Variants in GRM8 observed in about 807,000 individuals in gnomAD.
GRM8 encodes metabotropic glutamate receptor 8.
Under a neutral mutation model 87.2 loss-of-function variants are expected in GRM8, and 47 were observed. The ratio of observed to expected loss-of-function variants is 0.54; its 90% CI spans 0.43 to 0.69. GRM8 has a LOEUF of 0.69. Ranked by LOEUF, GRM8 falls within the 30% of genes least tolerant of loss-of-function variation. The pLI is 0.00. For missense variants in GRM8, 1,019 were observed against 1,139.2 expected (o/e 0.89, Z 1.52); for synonymous variants, 396 against 404.5 (o/e 0.98, Z 0.25).
At chr7:126,624,977 T>C (rs1268026688) in intron 7 of GRM8, among the ~76,000 whole-genome samples, 1 of 152,216 alleles carries the variant, frequency 6.6e-6, no homozygotes, top group Admixed American at 6.5e-5. Context: ...TGTGTGAGTA[T>C]AAAACAAACT....
At chr7:126,761,662 G>A (rs575555551) in intron 7 of GRM8, among the ~76,000 whole-genome samples, 26 of 151,970 alleles carry the variant, frequency 1.7e-4, no homozygotes, top group Non-Finnish European at 3.7e-4. Context: ...AGCCAAACTC[G>A]GCACAGGTTT....
chr7:126,752,084 T>C (rs192168799), intron 7 of GRM8, among the ~76,000 whole-genome samples: 1 of 152,124 alleles, frequency 6.6e-6, no homozygotes, highest in Admixed American at 6.6e-5. Context: ...AATTCAATGA[T>C]GAGATCAAGT....
At chr7:126,609,319 T>A (rs766747622) in intron 8 of GRM8, 43 bp downstream of exon 8, 1 of 1,512,416 alleles carries the variant, frequency 6.6e-7, no homozygotes, top group Non-Finnish European at 9.1e-7. Flanking sequence ...GCATCCCTCC[T>A]GGAGAGCTAT....
rs543345975 is a variant in GRM8, at chr7:126,643,551, C to T, written c.1358-34053G>A. On this transcript the variant is annotated intron_variant, in intron 7 of 10. Transcript: ENST00000339582. The stretch of plus-strand genomic sequence containing the variant: ...TTTAAAAAATCACCTAATATGCATG[C>T]GAAAGGATAATTAAAAGCAACAGAA... Among the ~76,000 whole-genome samples the T allele has an allele frequency of 1.1e-4, 16 of 151,332 alleles. No homozygotes were observed. The East Asian group carries it at 2.5e-3, about 24-fold the overall frequency.
At chr7:126,812,408 A>G (rs1293742810) in intron 6 of GRM8, among the ~76,000 whole-genome samples, 1 of 152,016 alleles carries the variant, frequency 6.6e-6, no homozygotes, top group African/African-American at 2.4e-5. Flanking sequence ...GGCTGTAAAG[A>G]TATACAACAT....
intron 6 of GRM8, among the ~76,000 whole-genome samples, chr7:126,846,847 T>C (rs1438899971): frequency 6.6e-6 from 1 of 152,162 alleles, no homozygotes; most frequent in African/African-American, 2.4e-5. Context: ...TCTCTCATGT[T>C]ACCCAGTGTG....
chr7:126,636,328 C>T (rs1033625180), intron 7 of GRM8, among the ~76,000 whole-genome samples: 1 of 151,998 alleles, frequency 6.6e-6, no homozygotes, highest in Non-Finnish European at 1.5e-5. Flanking sequence ...CTAGGCCTCC[C>T]ATGGATACCA....
At chr7:126,739,654 C>T (rs1043517723) in intron 7 of GRM8, among the ~76,000 whole-genome samples, 1 of 152,036 alleles carries the variant, frequency 6.6e-6, no homozygotes, top group Non-Finnish European at 1.5e-5. Context: ...TGGTGATCCT[C>T]CCACAACCCC....
chr7:126,953,997 C>T (rs540467843), intron 3 of GRM8, among the ~76,000 whole-genome samples: 58 of 152,232 alleles, frequency 3.8e-4, no homozygotes, highest in African/African-American at 1.3e-3. Context: ...TATACTCATG[C>T]CTCTTGTTTC....
At chr7:126,717,917 T>G (rs1006295713) in intron 7 of GRM8, among the ~76,000 whole-genome samples, 4 of 152,152 alleles carry the variant, frequency 2.6e-5, no homozygotes, top group African/African-American at 9.7e-5. Flanking sequence ...GGTTCCTTAG[T>G]TTGAATGGTG....
At chr7:126,479,922 T>C (rs1259115559) in intron 9 of GRM8, among the ~76,000 whole-genome samples, 8 of 152,096 alleles carry the variant, frequency 5.3e-5, no homozygotes, top group Admixed American at 4.6e-4. Context: ...TTGTTGTCTA[T>C]CTATTTTCAT....
At chr7:126,692,246 A>T (rs1808903404) in intron 7 of GRM8, among the ~76,000 whole-genome samples, 1 of 152,260 alleles carries the variant, frequency 6.6e-6, no homozygotes, top group Non-Finnish European at 1.5e-5. Flanking sequence ...TTATAAACAC[A>T]TTCTTGAGTA....
intron 6 of GRM8, among the ~76,000 whole-genome samples, chr7:126,867,916 A>G (rs1798744154): frequency 6.6e-6 from 1 of 152,256 alleles, no homozygotes; most frequent in African/African-American, 2.4e-5. Flanking sequence ...AACAGCTTAC[A>G]GCAGAAAAAA....
At chr7:127,145,640 T>G (rs1828514553) in intron 2 of GRM8, among the ~76,000 whole-genome samples, 1 of 152,110 alleles carries the variant, frequency 6.6e-6, no homozygotes, top group Non-Finnish European at 1.5e-5. Flanking sequence ...TAGATATAAT[T>G]CATTTATTTT....
At chr7:126,822,976 A>G (rs758380877) in intron 6 of GRM8, among the ~76,000 whole-genome samples, 6 of 152,192 alleles carry the variant, frequency 3.9e-5, no homozygotes, top group Non-Finnish European at 7.3e-5. Context: ...TACAAATGGA[A>G]CAGATCCCCC....
chr7:126,672,658 A>G (rs1372604928), intron 7 of GRM8, among the ~76,000 whole-genome samples: 3 of 152,208 alleles, frequency 2.0e-5, no homozygotes, highest in African/African-American at 7.2e-5. Flanking sequence ...GCAAAAGGGT[A>G]AAGTTCCTCT....
At chr7:126,766,678 G>C (rs1385376263) in intron 7 of GRM8, among the ~76,000 whole-genome samples, 4 of 152,078 alleles carry the variant, frequency 2.6e-5, no homozygotes, top group Admixed American at 1.3e-4. Flanking sequence ...GTCGTGTATA[G>C]TAAGCAGCTC....
chr7:126,918,398 C>T (rs1406391463), intron 3 of GRM8, among the ~76,000 whole-genome samples: 1 of 152,124 alleles, frequency 6.6e-6, no homozygotes, highest in Admixed American at 6.5e-5. Flanking sequence ...AAACACCCTG[C>T]TTTATGTACA....
chr7:126,659,914 G>A (rs1277783749), intron 7 of GRM8, among the ~76,000 whole-genome samples: 2 of 151,988 alleles, frequency 1.3e-5, no homozygotes. Flanking sequence ...TTTTCCTAGA[G>A]TATTAAGCTT....
Sources: gnomAD v4.1 joint callset for allele counts (sites outside exome capture counted in the v4.1 genomes callset) on GRCh38, gnomAD v4.1.1 for gene constraint, MANE v1.5 for transcripts, NCBI Gene and HGNC (gene_info 2026-07-23, HGNC 2026-07-21) for gene names.